The following NBEA variants were observed in gnomAD, a reference collection of about 807,000 sequenced individuals.
NBEA encodes the protein lysosomal-trafficking regulator 2.
In NBEA, 44 loss-of-function variants were observed where a neutral mutation model predicts 343.4. The observed-to-expected ratio is 0.13, with a 90% confidence interval of 0.10 to 0.16. The LOEUF (loss-of-function observed/expected upper bound fraction) is 0.16, where lower values mean the gene tolerates loss of function less well. Among genes scored for constraint, NBEA ranks in the 10% least tolerant of loss-of-function variants. The probability of loss-of-function intolerance (pLI) is 1.00; values close to 1 mark genes in which losing one functional copy is unlikely to be tolerated. For missense variants in NBEA, 2,555 were observed against 3,631.3 expected, an observed-to-expected ratio of 0.70 and a Z score of 7.62; for synonymous variants, 1,175 against 1,238.7, an observed-to-expected ratio of 0.95 and a Z score of 1.08.
intron 54 of NBEA, among the ~76,000 whole-genome samples, chr13:35,655,317 T>C (rs867219989): frequency 2.0e-5 from 3 of 152,188 alleles, no homozygotes; most frequent in African/African-American, 7.2e-5. Context: ...AAAATCGTGA[T>C]TGTGTTATTT....
intron 18 of NBEA, among the ~76,000 whole-genome samples, chr13:35,148,405 TC>T (rs1425498159): frequency 6.6e-6 from 1 of 152,176 alleles, no homozygotes; most frequent in Non-Finnish European, 1.5e-5. Flanking sequence ...TAAAATACTA[TC>T]TGATCTTATC....
In NBEA at chr13:34,946,964, A is replaced by G. The variant is rs546602889; in HGVS notation, c.294+3850A>G. 1.6e-4 allele frequency among the ~76,000 whole-genome samples: 25 copies of G among 151,816 alleles called. No individual in the cohort carries two copies. In the South Asian group the frequency reaches 5.2e-3, roughly 32 times the overall value. ...AAAGATATTTAGAATTTTACAAACA[A>G]GGTGTCTTCTGCATTTGAATTATAT... is the stretch of plus-strand genomic sequence containing the variant. On this transcript the variant is annotated intron_variant, in intron 1 of 58. Coordinates refer to ENST00000379939, the MANE Select transcript of NBEA (RefSeq NM_001385012.1).
chr13:35,173,685 G>C, intron 27 of NBEA, 91 bp downstream of exon 27: 4 of 1,235,554 alleles, frequency 3.2e-6, no homozygotes, highest in Non-Finnish European at 4.4e-6. Context: ...GTATTGCTCA[G>C]TGATAGAGAG....
At chr13:35,203,526 T>C (rs1410393149) in intron 31 of NBEA, among the ~76,000 whole-genome samples, 1 of 152,236 alleles carries the variant, frequency 6.6e-6, no homozygotes, top group Admixed American at 6.5e-5. Context: ...ATTTGCTATA[T>C]CTCTGTATTG....
intron 38 of NBEA, among the ~76,000 whole-genome samples, chr13:35,400,620 C>T (rs755299130): frequency 6.6e-6 from 1 of 151,934 alleles, no homozygotes. Context: ...AGCCTGGGAG[C>T]TCTATAAAAT....
At chr13:35,481,019 A>G (rs1263826588) in intron 41 of NBEA, among the ~76,000 whole-genome samples, 1 of 151,848 alleles carries the variant, frequency 6.6e-6, no homozygotes, top group African/African-American at 2.4e-5. Flanking sequence ...CACAATTTAG[A>G]CCCTATTTTA....
chr13:35,296,742 C>A (rs531196730), intron 35 of NBEA, among the ~76,000 whole-genome samples: 7 of 150,908 alleles, frequency 4.6e-5, no homozygotes, highest in Non-Finnish European at 7.4e-5. Flanking sequence ...ATAGTGAAAA[C>A]TATATATATA....
chr13:35,421,748 T>C (rs2044285575), intron 38 of NBEA, among the ~76,000 whole-genome samples: 1 of 152,132 alleles, frequency 6.6e-6, no homozygotes, highest in Non-Finnish European at 1.5e-5. Context: ...TCTAAAGATG[T>C]CTTCACTTGT....
chr13:35,543,500 T>C (rs963581629), intron 41 of NBEA, among the ~76,000 whole-genome samples: 1 of 152,122 alleles, frequency 6.6e-6, no homozygotes, highest in Non-Finnish European at 1.5e-5. Flanking sequence ...AAGTAAAGAA[T>C]TGGGAAAACA....
chr13:35,620,737 G>C (rs192624372), intron 48 of NBEA, among the ~76,000 whole-genome samples: 1 of 151,990 alleles, frequency 6.6e-6, no homozygotes, highest in African/African-American at 2.4e-5. Context: ...GATGATGGTG[G>C]CTTGGACCAG....
chr13:35,043,116 AAT>A (rs1026609309), intron 2 of NBEA, among the ~76,000 whole-genome samples: 4 of 151,834 alleles, frequency 2.6e-5, no homozygotes, highest in Non-Finnish European at 5.9e-5. Context: ...TTACATATAC[AAT>A]ATATAAGTAA....
chr13:35,272,130 G>C (rs2034211213), intron 34 of NBEA, among the ~76,000 whole-genome samples: 2 of 152,290 alleles, frequency 1.3e-5, no homozygotes, highest in South Asian at 4.1e-4. Context: ...CCCACAAAGG[G>C]AAGCCCATCA....
intron 33 of NBEA, among the ~76,000 whole-genome samples, chr13:35,217,110 G>T (rs1424856265): frequency 1.3e-5 from 2 of 151,808 alleles, no homozygotes. Context: ...GTCTGAATTT[G>T]CATTTTCCTA....
At position 35,484,274 on chromosome 13, in the gene NBEA, G is replaced by GTA. The variant is rs202233951; in HGVS notation, c.6585+11756_6585+11757dup. 5.5e-4 allele frequency among the ~76,000 whole-genome samples: 63 copies of GTA among 115,162 alleles called. No homozygotes were observed. In the South Asian group the frequency reaches 9.5e-3, roughly 17 times the overall value. 75.6% of individuals were successfully genotyped at this position (115,162 alleles called of 152,430 possible). ...TGTGTGTGTGTGTGTGTGTGTGTGTGTATATATATATATATATATGTAGAC... is the reference window on the plus strand; with the variant it reads ...TGTGTGTGTGTGTGTGTGTGTGTGTGTATATATATATATATATATATGTAGAC... On this transcript the variant is annotated intron_variant, in intron 41 of 58. Transcript: ENST00000379939.
chr13:35,571,028 GA>G (rs1371872727), intron 45 of NBEA, among the ~76,000 whole-genome samples: 2 of 152,082 alleles, frequency 1.3e-5, no homozygotes, highest in African/African-American at 4.8e-5. Context: ...ATATGACCAA[GA>G]ACATTCTAAA....
chr13:35,606,056 G>C (rs1457006935), intron 47 of NBEA, among the ~76,000 whole-genome samples: 1 of 152,064 alleles, frequency 6.6e-6, no homozygotes, highest in Non-Finnish European at 1.5e-5. Flanking sequence ...TAAATTTTCA[G>C]ATGAAGATTT....
chr13:35,216,015 T>C (rs1316853965), intron 33 of NBEA, among the ~76,000 whole-genome samples: 2 of 151,614 alleles, frequency 1.3e-5, no homozygotes, highest in Non-Finnish European at 3.0e-5. Context: ...TTTTAAAATA[T>C]AAGCATGATC....
At chr13:35,564,500 A>G (rs890348474) in intron 44 of NBEA, among the ~76,000 whole-genome samples, 1 of 152,152 alleles carries the variant, frequency 6.6e-6, no homozygotes, top group Non-Finnish European at 1.5e-5. Flanking sequence ...TAAAAAAAGT[A>G]CTGAGCCCTA....
chr13:35,087,022 G>A (rs192678736), intron 10 of NBEA, among the ~76,000 whole-genome samples: 1 of 151,676 alleles, frequency 6.6e-6, no homozygotes, highest in East Asian at 1.9e-4. Flanking sequence ...AGTTGTTTGA[G>A]TTCCTTGTAT....
Sources: gnomAD v4.1 joint callset for allele counts (sites outside exome capture counted in the v4.1 genomes callset) on GRCh38, gnomAD v4.1.1 for gene constraint, MANE v1.5 for transcripts, NCBI Gene and HGNC (gene_info 2026-07-23, HGNC 2026-07-21) for gene names.